Variants in FAF1 observed in about 807,000 individuals in gnomAD.
FAF1 encodes the protein Fas associated factor 1.
A neutral mutation model predicts 92.5 loss-of-function variants in FAF1; 25 were observed. The observed-to-expected ratio is 0.27, with a 90% CI of 0.20 to 0.38. FAF1 has a LOEUF of 0.38. Among genes scored for constraint, FAF1 ranks in the 10% least tolerant of loss-of-function variants. The pLI, the probability that FAF1 is intolerant of heterozygous loss-of-function variation, is 1.00. For synonymous variants in FAF1, 234 were observed against 273.2 expected (o/e 0.86, Z 1.42); for missense variants, 636 against 793.3 (o/e 0.80, Z 2.38).
intron 2 of FAF1, among the ~76,000 whole-genome samples, chr1:50,820,480 C>T (rs2124619140): frequency 6.6e-6 from 1 of 152,212 alleles, no homozygotes. Flanking sequence ...CTTTTGTGTG[C>T]ATGTGTGTGT....
chr1:50,778,915 ATATGAT>A (rs1661059502), intron 4 of FAF1, among the ~76,000 whole-genome samples: 1 of 152,140 alleles, frequency 6.6e-6, no homozygotes, highest in South Asian at 2.1e-4. Context: ...TTGCTGTAAC[ATATGAT>A]GCTGTTTGAT....
intron 6 of FAF1, among the ~76,000 whole-genome samples, chr1:50,718,942 AC>A (rs1421282874): frequency 6.6e-6 from 1 of 152,222 alleles, no homozygotes; most frequent in Non-Finnish European, 1.5e-5. Flanking sequence ...GACCAAATTT[AC>A]CATAATTATG....
At chr1:50,747,513 A>C (rs1481135220) in intron 4 of FAF1, among the ~76,000 whole-genome samples, 4 of 152,242 alleles carry the variant, frequency 2.6e-5, no homozygotes, top group African/African-American at 9.6e-5. Flanking sequence ...ATTTTATCTT[A>C]GGAGTAAGTA....
intron 1 of FAF1, among the ~76,000 whole-genome samples, chr1:50,915,206 A>G (rs1644911116): frequency 6.6e-6 from 1 of 152,064 alleles, no homozygotes; most frequent in Non-Finnish European, 1.5e-5. Context: ...TCCTGTCTCT[A>G]CTGAAAATAC....
At chr1:50,921,148 C>A (rs1644959610) in intron 1 of FAF1, among the ~76,000 whole-genome samples, 1 of 152,242 alleles carries the variant, frequency 6.6e-6, no homozygotes, top group South Asian at 2.1e-4. Flanking sequence ...GAGGTACACA[C>A]TGTCCAGGGG....
chr1:50,576,641 C>A (rs61468246), intron 12 of FAF1, among the ~76,000 whole-genome samples: 40 of 148,208 alleles, frequency 2.7e-4, no homozygotes, highest in Admixed American at 1.1e-3. Flanking sequence ...CCGCCCCCCC[C>A]CCGCCACCAC....
intron 8 of FAF1, among the ~76,000 whole-genome samples, chr1:50,638,514 C>A (rs1012459078): frequency 1.7e-4 from 26 of 150,626 alleles, no homozygotes; most frequent in Non-Finnish European, 2.8e-4. Flanking sequence ...GCGCAATCTC[C>A]GCTCACTGCA....
chr1:50,639,110 G>T (rs906737533), intron 8 of FAF1, among the ~76,000 whole-genome samples: 2 of 152,172 alleles, frequency 1.3e-5, no homozygotes, highest in Admixed American at 1.3e-4. Context: ...ATTAACTTAA[G>T]TATTGTATCT....
chr1:50,437,403 AG>A lies in FAF1; in HGVS notation c.*4036del, dbSNP rs1351037841. ...CTTTCTTTTTTTTTTTTTTTTAAAGAGATGAGGTCTTACTCTGATGCCTAGG... is the reference window on the plus strand; with the variant it reads ...CTTTCTTTTTTTTTTTTTTTTAAAGAATGAGGTCTTACTCTGATGCCTAGG... On this transcript the variant is annotated 3_prime_UTR_variant, in exon 19 of 19. Transcript: ENST00000396153. 2.0e-5 allele frequency: 3 copies of A among 148,578 alleles called. No individual in the cohort carries two copies. Among genetic ancestry groups the A allele is most frequent in the Non-Finnish European group, 4.4e-5 (3 of 67,502 alleles). 9.2% of individuals were successfully genotyped at this position (148,578 alleles called of 1,614,324 possible).
intron 8 of FAF1, among the ~76,000 whole-genome samples, chr1:50,631,832 T>C (rs1653804322): frequency 6.6e-6 from 1 of 152,212 alleles, no homozygotes; most frequent in African/African-American, 2.4e-5. Context: ...TGAATGGTCA[T>C]GTGTTGCACC....
At chr1:50,919,524 G>A (rs1156867391) in intron 1 of FAF1, among the ~76,000 whole-genome samples, 1 of 149,704 alleles carries the variant, frequency 6.7e-6, no homozygotes, top group Non-Finnish European at 1.5e-5. Flanking sequence ...GTCTCGCTCT[G>A]TTGTCCAGGC....
At chr1:50,852,091 T>C (rs184399826) in intron 2 of FAF1, among the ~76,000 whole-genome samples, 2 of 152,190 alleles carry the variant, frequency 1.3e-5, no homozygotes, top group Admixed American at 6.5e-5. Context: ...AAGATTTGTA[T>C]GACATGCTTA....
chr1:50,640,715 TCTTTTAA>T (rs1339795090), intron 8 of FAF1, among the ~76,000 whole-genome samples: 1 of 152,122 alleles, frequency 6.6e-6, no homozygotes, highest in Non-Finnish European at 1.5e-5. Context: ...TTCCTTTTCA[TCTTTTAA>T]CTGTCTGTAT....
At chr1:50,462,665 C>T (rs1037809975) in intron 18 of FAF1, among the ~76,000 whole-genome samples, 9 of 152,140 alleles carry the variant, frequency 5.9e-5, no homozygotes, top group Non-Finnish European at 1.0e-4. Flanking sequence ...GCATTGAACA[C>T]GCTGATACTC....
intron 13 of FAF1, among the ~76,000 whole-genome samples, chr1:50,558,664 C>T (rs1279011925): frequency 2.6e-5 from 4 of 152,176 alleles, no homozygotes; most frequent in Non-Finnish European, 4.4e-5. Flanking sequence ...TTTGGAATGG[C>T]TTGCCAATAA....
At chr1:50,946,383 C>T (rs1645172658) in intron 1 of FAF1, among the ~76,000 whole-genome samples, 1 of 152,194 alleles carries the variant, frequency 6.6e-6, no homozygotes, top group South Asian at 2.1e-4. Flanking sequence ...AACCTATGTC[C>T]TGGAACTCAG....
intron 15 of FAF1, among the ~76,000 whole-genome samples, chr1:50,506,544 G>C (rs1181230717): frequency 6.6e-6 from 1 of 152,254 alleles, no homozygotes; most frequent in Admixed American, 6.5e-5. Flanking sequence ...CCTGGATTGA[G>C]TAGCTTCACT....
intron 15 of FAF1, among the ~76,000 whole-genome samples, chr1:50,498,601 G>A (rs543715553): frequency 9.2e-5 from 14 of 152,286 alleles, no homozygotes; most frequent in African/African-American, 3.4e-4. Context: ...TGTAATCCCA[G>A]CACTTCGGGA....
At chr1:50,861,585 C>A (rs1476940231) in intron 1 of FAF1, among the ~76,000 whole-genome samples, 1 of 151,686 alleles carries the variant, frequency 6.6e-6, no homozygotes, top group Non-Finnish European at 1.5e-5. Context: ...GACAAAAATG[C>A]TACTTATTGG....
Sources: gnomAD v4.1 joint callset for allele counts (sites outside exome capture counted in the v4.1 genomes callset) on GRCh38, gnomAD v4.1.1 for gene constraint, MANE v1.5 for transcripts, NCBI Gene and HGNC (gene_info 2026-07-23, HGNC 2026-07-21) for gene names.